CNTNAP2: variants seen among roughly 807,000 people sequenced by gnomAD.
The protein encoded by CNTNAP2 is contactin associated protein 2, also known as contactin-associated protein-like 2.
In CNTNAP2, 98 loss-of-function variants were observed where a neutral mutation model predicts 155.2. The observed-to-expected ratio is 0.63, with a 90% CI of 0.54 to 0.75. CNTNAP2 has a LOEUF of 0.75. CNTNAP2 is among the 30% of genes least tolerant of loss of function. The pLI is 0.00. For synonymous variants in CNTNAP2, 651 were observed against 631.2 expected (o/e 1.03, Z -0.47); for missense variants, 1,727 against 1,688.1 (o/e 1.02, Z -0.40).
At chr7:146,315,441 G>A (rs1800890915) in intron 1 of CNTNAP2, among the ~76,000 whole-genome samples, 1 of 152,126 alleles carries the variant, frequency 6.6e-6, no homozygotes, top group Non-Finnish European at 1.5e-5. Flanking sequence ...GCTCAGGGTG[G>A]GGTTATGCCT....
At chr7:146,537,086 A>G (rs1404780507) in intron 1 of CNTNAP2, among the ~76,000 whole-genome samples, 5 of 152,122 alleles carry the variant, frequency 3.3e-5, no homozygotes, top group Non-Finnish European at 5.9e-5. Flanking sequence ...GAGAAAATCA[A>G]CAATTTATAG....
intron 1 of CNTNAP2, among the ~76,000 whole-genome samples, chr7:146,192,791 A>G (rs1158096536): frequency 1.3e-5 from 2 of 152,212 alleles, no homozygotes; most frequent in Non-Finnish European, 2.9e-5. Flanking sequence ...ATATTTCAGC[A>G]TTAACTCAGA....
At position 146,365,070 on chromosome 7, in the gene CNTNAP2, A is replaced by G. The variant is rs377109428; in HGVS notation, c.97+248097A>G. 3.0e-4 allele frequency among the ~76,000 whole-genome samples: 45 copies of G among 152,290 alleles called. No individual in the cohort carries two copies. In the East Asian group the frequency reaches 7.9e-3, roughly 27 times the overall value. ...TTTATTCAGTCTTATTATTTATTGT[A>G]TACTTTCACTCTAATTATGTAAATG... On this transcript the variant is annotated intron_variant, in intron 1 of 23. Coordinates refer to ENST00000361727, the MANE Select transcript of CNTNAP2 (RefSeq NM_014141.6).
At chr7:147,719,649 G>C (rs1191778906) in intron 13 of CNTNAP2, among the ~76,000 whole-genome samples, 1 of 151,992 alleles carries the variant, frequency 6.6e-6, no homozygotes, top group African/African-American at 2.4e-5. Context: ...CTAGGTAGGG[G>C]TATGAAATTT....
At chr7:147,828,371 A>G (rs1434099012) in intron 13 of CNTNAP2, among the ~76,000 whole-genome samples, 1 of 152,164 alleles carries the variant, frequency 6.6e-6, no homozygotes, top group Non-Finnish European at 1.5e-5. Flanking sequence ...ATTTATCCAT[A>G]TGTAAAATGA....
At position 148,415,966 on chromosome 7, in the gene CNTNAP2, T is replaced by C. The variant is rs1482771266; in HGVS notation, c.*350T>C. The C allele has an allele frequency of 6.5e-6, 2 of 307,254 alleles. No homozygotes were observed. Among genetic ancestry groups the C allele is most frequent in the African/African-American group, 4.3e-5 (2 of 46,442 alleles). 19.0% of individuals were successfully genotyped at this position (307,254 alleles called of 1,614,324 possible). A position where few individuals can be genotyped will look rare whatever the true frequency, so the allele number is the denominator to read the frequency against. On this transcript the variant is annotated 3_prime_UTR_variant, in exon 24 of 24. Transcript: ENST00000361727. ...TGGTAACAGGGCAAGTTTTCTACGT[T>C]TTTAAGAGCCCTTAGAACGTGGGTA... is the stretch of plus-strand genomic sequence containing the variant.
chr7:146,170,018 CTTTTT>C (rs71175637), intron 1 of CNTNAP2, among the ~76,000 whole-genome samples: 3 of 126,964 alleles, frequency 2.4e-5, no homozygotes, highest in Non-Finnish European at 1.7e-5. Context: ...CCTTTCTTTT[CTTTTT>C]TTTTTTTTTT....
intron 7 of CNTNAP2, 116 bp from the exon 8 acceptor site, chr7:147,132,129 T>G: frequency 7.5e-7 from 1 of 1,332,192 alleles, no homozygotes; most frequent in Non-Finnish European, 1.1e-6. Flanking sequence ...TGTGTGAGTT[T>G]AGCTTAGGCT....
chr7:147,257,757 T>C (rs1369360190), intron 8 of CNTNAP2, among the ~76,000 whole-genome samples: 1 of 152,212 alleles, frequency 6.6e-6, no homozygotes, highest in Non-Finnish European at 1.5e-5. Context: ...TGGAGGGTGA[T>C]AATGAAAACT....
intron 16 of CNTNAP2, among the ~76,000 whole-genome samples, chr7:148,142,093 CTG>C (rs71527881): frequency 0.058 from 7,952 of 136,278 alleles, 242 homozygotes; most frequent in Admixed American, 0.098. Flanking sequence ...AGATATGTCT[CTG>C]TGTGTGTGTG....
At chr7:148,256,936 C>T (rs1166954681) in intron 20 of CNTNAP2, among the ~76,000 whole-genome samples, 3 of 152,146 alleles carry the variant, frequency 2.0e-5, no homozygotes, top group African/African-American at 7.2e-5. Flanking sequence ...TGGTTGAGCC[C>T]AGCTGGGGAC....
At chr7:146,837,591 C>T (rs570217460) in intron 2 of CNTNAP2, among the ~76,000 whole-genome samples, 3 of 151,904 alleles carry the variant, frequency 2.0e-5, no homozygotes, top group African/African-American at 7.2e-5. Context: ...ACATATTTTC[C>T]TGCTTGTCCA....
intron 8 of CNTNAP2, among the ~76,000 whole-genome samples, chr7:147,218,568 GT>G (rs35726360): frequency 0.51 from 75,532 of 148,736 alleles, 19,449 homozygotes; most frequent in African/African-American, 0.54. Flanking sequence ...ATTTTTTTCT[GT>G]TTTTTTTTTC....
intron 21 of CNTNAP2, among the ~76,000 whole-genome samples, chr7:148,272,552 C>G (rs1198897954): frequency 6.6e-6 from 1 of 152,078 alleles, no homozygotes; most frequent in Non-Finnish European, 1.5e-5. Flanking sequence ...TTATAAAAAG[C>G]ATTTCAAAAC....
intron 14 of CNTNAP2, among the ~76,000 whole-genome samples, chr7:147,905,112 T>C (rs974020043): frequency 4.6e-5 from 7 of 152,222 alleles, no homozygotes; most frequent in Admixed American, 1.3e-4. Flanking sequence ...AAATACCAAA[T>C]GCAAAGAACA....
chr7:147,050,863 C>T (rs1799459141), intron 4 of CNTNAP2, among the ~76,000 whole-genome samples: 1 of 152,120 alleles, frequency 6.6e-6, no homozygotes, highest in Non-Finnish European at 1.5e-5. Context: ...AGAAACAGTT[C>T]CATGTCCCTC....
chr7:146,117,080 G>T (rs1294085503), intron 1 of CNTNAP2, 107 bp downstream of exon 1: 1 of 933,026 alleles, frequency 1.1e-6, no homozygotes. Context: ...GCACCCTGAT[G>T]TGTTTGTGTC....
intron 13 of CNTNAP2, among the ~76,000 whole-genome samples, chr7:147,644,975 G>A (rs1005938790): frequency 3.3e-5 from 5 of 151,888 alleles, no homozygotes; most frequent in African/African-American, 1.2e-4. Context: ...GGTTTCCAGT[G>A]TTTTTCCTCT....
At chr7:147,812,778 G>T (rs932686119) in intron 13 of CNTNAP2, among the ~76,000 whole-genome samples, 1 of 152,140 alleles carries the variant, frequency 6.6e-6, no homozygotes, top group East Asian at 1.9e-4. Flanking sequence ...GAGAATTTTG[G>T]CTGGCTATGG....
Sources: gnomAD v4.1 joint callset for allele counts (sites outside exome capture counted in the v4.1 genomes callset) on GRCh38, gnomAD v4.1.1 for gene constraint, MANE v1.5 for transcripts, NCBI Gene and HGNC (gene_info 2026-07-23, HGNC 2026-07-21) for gene names.